The following AHCYL2 variants were observed in gnomAD, a reference collection of about 807,000 sequenced individuals.
AHCYL2 encodes the protein adenosylhomocysteinase like 2, also known as S-adenosylhomocysteine hydrolase-like protein 2.
A neutral mutation model predicts 81.4 loss-of-function variants in AHCYL2; 28 were observed. That is an observed-to-expected ratio of 0.34 (90% confidence interval 0.25 to 0.47). The LOEUF (loss-of-function observed/expected upper bound fraction) is 0.47. Among genes scored for constraint, AHCYL2 ranks in the 20% least tolerant of loss-of-function variants. AHCYL2 has a pLI of 1.00. For synonymous variants in AHCYL2, 272 were observed against 290.2 expected, an observed-to-expected ratio of 0.94 and a Z score of 0.64; for missense variants, 551 against 785.1, an observed-to-expected ratio of 0.70 and a Z score of 3.56.
chr7:129,225,113 A>C lies in AHCYL2; in HGVS notation c.37A>C (p.Lys13Gln), dbSNP rs1282426562. ...GGTTGTGTCAGCCGCGGCTGCCGCC[A>C]AGGTGCCTGAGGTGGAGCTGAAGGA... ...VQVVSAAAAA[K>Q]VPEVELKDLS... The change falls in exon 1 of 17, where the codon AAG becomes CAG. Residue 13 changes from lysine to glutamine, a missense_variant. Around this residue, in one of 2 missense-constraint regions of AHCYL2, gnomAD observed 235 missense variants for 242.1 expected, o/e 0.97. Coordinates refer to ENST00000325006, the MANE Select transcript of AHCYL2 (RefSeq NM_015328.4). 1 of 1,601,210 alleles carries C rather than the reference A, an allele frequency of 6.2e-7. No individual in the cohort carries two copies. The highest frequency in any genetic ancestry group is 1.1e-5 in the South Asian group (1 of 89,000).
At chr7:129,273,433 A>G (rs1796088434) in intron 1 of AHCYL2, among the ~76,000 whole-genome samples, 2 of 146,706 alleles carry the variant, frequency 1.4e-5, no homozygotes, top group African/African-American at 2.5e-5. Flanking sequence ...GGTTCAAGCA[A>G]TTCTCCTGCC....
chr7:129,406,317 G>C lies in AHCYL2; in HGVS notation c.1207-61G>C. On this transcript the variant is annotated intron_variant, in intron 9 of 16. Transcript: ENST00000325006. This position sits in a 1 kb window ranked among gnomAD's most constrained non-coding sequence, Gnocchi z 4.3. ...AAAGAGGGGGTGCACTTTACCAGAA[G>C]CTTTGAGAAATGGTTTTCTCAGTGA... 1 of 1,500,954 alleles carries C rather than the reference G, an allele frequency of 6.7e-7. No individual in the cohort carries two copies. Among genetic ancestry groups the C allele is most frequent in the Non-Finnish European group, 9.3e-7 (1 of 1,078,892 alleles). 93.0% of individuals were successfully genotyped at this position (1,500,954 alleles called of 1,614,324 possible).
Position 129,321,743 on chromosome 7 carries a change from GTTTT to G in AHCYL2, c.364-57877_364-57874del. 2.0e-3 allele frequency among the ~76,000 whole-genome samples: 156 copies of G among 77,634 alleles called. 1 individual carries two copies. Among genetic ancestry groups the G allele is most frequent in the South Asian group, 4.4e-3 (8 of 1,832 alleles). 50.9% of individuals were successfully genotyped at this position (77,634 alleles called of 152,430 possible). A position where few individuals can be genotyped will look rare whatever the true frequency, so the allele number is the denominator to read the frequency against. Reference sequence around the variant, plus strand: ...TGTATGGAATTTGTATTCTTTCTTTGTTTTTTTTTTTTTTTTTTTTTGGTCTTGG... The same window carrying G: ...TGTATGGAATTTGTATTCTTTCTTTGTTTTTTTTTTTTTTTTTGGTCTTGG... On this transcript the variant is annotated intron_variant, in intron 1 of 16. Coordinates refer to ENST00000325006, the MANE Select transcript of AHCYL2 (RefSeq NM_015328.4).
At chr7:129,269,610 T>A (rs1183658133) in intron 1 of AHCYL2, among the ~76,000 whole-genome samples, 1 of 120,766 alleles carries the variant, frequency 8.3e-6, no homozygotes, top group Non-Finnish European at 1.8e-5. Flanking sequence ...TTTGTTTTGT[T>A]TTTTAATAGA....
rs779759703 is a variant in AHCYL2 at position 129,397,283 on chromosome 7, A to G, written c.782A>G (p.Tyr261Cys). 6 of 1,614,210 alleles carry G rather than the reference A, an allele frequency of 3.7e-6. No homozygotes were observed. Among genetic ancestry groups the G allele is most frequent in the Non-Finnish European group, 5.1e-6 (6 of 1,180,036 alleles). ...AQCRWAACNI[Y>C]STLNEVAAAL... ...TGCCGATGGGCTGCCTGCAACATCT[A>G]TTCCACTCTCAATGAAGTGGCTGCT... Residue 261 changes from tyrosine (Y) to cysteine (C), a missense_variant, in exon 5 of 17, where the codon TAT becomes TGT. By Grantham distance (194) the Tyr-to-Cys change is radical. Coordinates refer to ENST00000325006, the MANE Select transcript of AHCYL2 (RefSeq NM_015328.4).
chr7:129,422,946 T>G lies in AHCYL2; in HGVS notation c.1560+8T>G. 6.2e-7 allele frequency: 1 copy of G among 1,613,496 alleles called. No individual in the cohort carries two copies. Among genetic ancestry groups the G allele is most frequent in the Non-Finnish European group, 8.5e-7 (1 of 1,179,642 alleles). ...ATAGTACTGCTGGCAGAGGTAAGGC[T>G]GAGACTGGCAAAAATACTCCCCCAC... On this transcript the variant is annotated splice_region_variant and intron_variant, in intron 13 of 16. Transcript: ENST00000325006.
chr7:129,377,861 C>T (rs530381253), intron 1 of AHCYL2, among the ~76,000 whole-genome samples: 1 of 152,092 alleles, frequency 6.6e-6, no homozygotes, highest in African/African-American at 2.4e-5. Context: ...GTAAGAAAAT[C>T]ATTATCAAAT....
chr7:129,347,048 A>G (rs1769628539), intron 1 of AHCYL2, among the ~76,000 whole-genome samples: 1 of 152,216 alleles, frequency 6.6e-6, no homozygotes, highest in Admixed American at 6.5e-5. Context: ...AAGGCTACAT[A>G]CTGTATGATT....
chr7:129,421,521 T>C (rs965712781), intron 12 of AHCYL2, among the ~76,000 whole-genome samples: 1 of 152,196 alleles, frequency 6.6e-6, no homozygotes, highest in Non-Finnish European at 1.5e-5. Flanking sequence ...TGAAACTGAT[T>C]GGTCAAAGAT....
chr7:129,266,704 G>A lies in AHCYL2; in HGVS notation c.363+41265G>A, dbSNP rs116893748. 2.7e-3 allele frequency among the ~76,000 whole-genome samples: 408 copies of A among 152,234 alleles called. 1 individual carries two copies. Among genetic ancestry groups the A allele is most frequent in the Admixed American group, 5.1e-3 (78 of 15,284 alleles). ...GTACTGAGCTAGATACTGAGGGCGG[G>A]GAATAGGAGGGGCAATCCAAAGCTG... On this transcript the variant is annotated intron_variant, in intron 1 of 16. Transcript: ENST00000325006.
chr7:129,333,308 CAAAAAA>C (rs1181621904), intron 1 of AHCYL2, among the ~76,000 whole-genome samples: 9 of 67,512 alleles, frequency 1.3e-4, no homozygotes, highest in South Asian at 4.9e-4. Context: ...CATCTCTACC[CAAAAAA>C]AAAAAAAAAA....
At chr7:129,230,699 A>C (rs1217179576) in intron 1 of AHCYL2, among the ~76,000 whole-genome samples, 1 of 151,178 alleles carries the variant, frequency 6.6e-6, no homozygotes, top group Non-Finnish European at 1.5e-5. Context: ...CAGCCTCCCG[A>C]GTAGCTGGGA....
At chr7:129,229,131 A>C (rs1308094739) in intron 1 of AHCYL2, among the ~76,000 whole-genome samples, 1 of 150,466 alleles carries the variant, frequency 6.6e-6, no homozygotes. Context: ...GCAATGGTGC[A>C]ATCTCAGCTC....
chr7:129,281,557 C>T (rs779377674), intron 1 of AHCYL2, among the ~76,000 whole-genome samples: 4 of 136,924 alleles, frequency 2.9e-5, no homozygotes, highest in East Asian at 2.1e-4. Context: ...AGTGCAATGG[C>T]GTGATCTCGG....
intron 4 of AHCYL2, among the ~76,000 whole-genome samples, chr7:129,390,883 C>A (rs974235339): frequency 2.7e-4 from 41 of 152,110 alleles, no homozygotes; most frequent in Non-Finnish European, 5.9e-5. Flanking sequence ...GTTTTAATGT[C>A]CCCTTTTTAT....
chr7:129,382,703 C>A lies in AHCYL2; in HGVS notation c.475+2954C>A, dbSNP rs552497964. 3.9e-4 allele frequency among the ~76,000 whole-genome samples: 60 copies of A among 151,944 alleles called. 1 individual carries two copies. The highest frequency in any genetic ancestry group is 1.0e-3 in the Admixed American group (16 of 15,258). ...GGCGAATCACCTGAGGCCGGGGGTTCGAGACCAGCCTGACCAACATGGAGA... is the reference window on the plus strand; with the variant it reads ...GGCGAATCACCTGAGGCCGGGGGTTAGAGACCAGCCTGACCAACATGGAGA... On this transcript the variant is annotated intron_variant, in intron 2 of 16. Transcript: ENST00000325006.
intron 1 of AHCYL2, among the ~76,000 whole-genome samples, chr7:129,344,504 A>G (rs943127116): frequency 2.6e-5 from 4 of 152,260 alleles, no homozygotes; most frequent in Admixed American, 2.6e-4. Flanking sequence ...TTATGATTCC[A>G]TATGATTTGT....
intron 1 of AHCYL2, among the ~76,000 whole-genome samples, chr7:129,294,597 G>A (rs1403421711): frequency 1.3e-5 from 2 of 151,994 alleles, no homozygotes; most frequent in Non-Finnish European, 2.9e-5. Flanking sequence ...AATCCATATC[G>A]GTCTCTAAAT....
intron 12 of AHCYL2, 48 bp from the exon 13 acceptor site, chr7:129,422,792 C>T (rs71579850): frequency 0.026 from 41,010 of 1,554,952 alleles, 733 homozygotes; most frequent in Admixed American, 0.078. Flanking sequence ...TCTGTTCCCA[C>T]AGTGGGGCTT....
Sources: allele counts gnomAD v4.1 joint callset (sites outside exome capture counted in the v4.1 genomes callset), GRCh38; gene constraint gnomAD v4.1.1; regional missense constraint gnomAD v4.1.1; non-coding constraint Gnocchi (gnomAD v3.1); transcripts MANE v1.5; gene names NCBI Gene and HGNC (gene_info 2026-07-23, HGNC 2026-07-21).